The following FZD3 variants were observed in gnomAD, a reference collection of about 807,000 sequenced individuals.
The protein encoded by FZD3 is frizzled class receptor 3.
A neutral mutation model predicts 60.7 loss-of-function variants in FZD3; 30 were observed. The observed-to-expected ratio is 0.49, with a 90% CI of 0.37 to 0.67. FZD3 has a LOEUF of 0.67. FZD3 is among the 30% of genes least tolerant of loss of function. The pLI is 0.00. For synonymous variants in FZD3, 246 were observed against 275.2 expected, an observed-to-expected ratio of 0.89 and a Z score of 1.05; for missense variants, 605 against 838.7, an observed-to-expected ratio of 0.72 and a Z score of 3.44.
chr8:28,548,339 T>C (rs1354840243), intron 5 of FZD3, among the ~76,000 whole-genome samples: 1 of 151,832 alleles, frequency 6.6e-6, no homozygotes, highest in Non-Finnish European at 1.5e-5. Context: ...TGAGATGAGG[T>C]CTTGCTGTGT....
chr8:28,527,951 A>G lies in FZD3; in HGVS notation c.1191A>G (p.Leu397=), dbSNP rs769156364. 3.1e-6 allele frequency: 5 copies of G among 1,613,842 alleles called. No individual in the cohort carries two copies. Among genetic ancestry groups the G allele is most frequent in the Non-Finnish European group, 4.2e-6 (5 of 1,179,860 alleles). The change falls in exon 5 of 8, where the codon CTA becomes CTG. Residue 397 remains leucine (L), a synonymous_variant. Transcript: ENST00000240093. The surrounding 1 kb of genome is among the most constrained non-coding windows in gnomAD (Gnocchi z 5.0). The part of the protein sequence containing the change: ...VSLLLAGIIS[L]NRVRIEIPLE... ...TCCTCTTAGCTGGCATTATATCCCT[A>G]AACAGAGTTCGAATTGAGATTCCAT...
At chr8:28,501,155 C>T (rs942113063) in intron 2 of FZD3, among the ~76,000 whole-genome samples, 5 of 152,166 alleles carry the variant, frequency 3.3e-5, no homozygotes, top group African/African-American at 1.2e-4. Context: ...TGATGTAGAA[C>T]ATGAGGCGCT....
intron 6 of FZD3, among the ~76,000 whole-genome samples, chr8:28,552,248 T>G (rs1191632743): frequency 6.6e-6 from 1 of 152,164 alleles, no homozygotes; most frequent in Non-Finnish European, 1.5e-5. Flanking sequence ...GTACCAAAAG[T>G]GATATAAAGA....
chr8:28,550,481 C>CTTTTTTT (rs386412443), intron 5 of FZD3, among the ~76,000 whole-genome samples: 379 of 34,330 alleles, frequency 0.011, no homozygotes, highest in Middle Eastern at 0.091. Context: ...CTTCTTTTAT[C>CTTTTTTT]TTTTTTTTTT....
At chr8:28,533,871 A>T (rs180862552) in intron 5 of FZD3, among the ~76,000 whole-genome samples, 1 of 152,226 alleles carries the variant, frequency 6.6e-6, no homozygotes, top group East Asian at 1.9e-4. Flanking sequence ...TCTATATGTG[A>T]GTCCCATGAA....
At chr8:28,561,467 T>TAAAA (rs1805611337) in intron 7 of FZD3, among the ~76,000 whole-genome samples, 1 of 152,182 alleles carries the variant, frequency 6.6e-6, no homozygotes, top group African/African-American at 2.4e-5. Context: ...AATCTATCTT[T>TAAAA]AAATTTTATA....
At position 28,501,839 on chromosome 8, in the gene FZD3, GTTGATGA is replaced by G. The variant is rs749612289; in HGVS notation, c.-344-830_-344-824del. Among the ~76,000 whole-genome samples, 5 of 152,188 alleles carry G rather than the reference GTTGATGA, an allele frequency of 3.3e-5. No individual in the cohort carries two copies. In the East Asian group the frequency reaches 9.6e-4, roughly 29 times the overall value. ...GCATGGCTGTGTGTAATGACCGTTC[GTTGATGA>G]AATATTTCTTAGTGCTACATCTGTG... On this transcript the variant is annotated intron_variant, in intron 2 of 7. Transcript: ENST00000240093.
intron 3 of FZD3, among the ~76,000 whole-genome samples, chr8:28,504,322 G>T (rs746937480): frequency 6.6e-6 from 1 of 152,162 alleles, no homozygotes; most frequent in South Asian, 2.1e-4. Context: ...AATTGGTATA[G>T]GCTATCAGAT....
At chr8:28,498,894 T>C (rs1170764132) in intron 1 of FZD3, among the ~76,000 whole-genome samples, 2 of 152,254 alleles carry the variant, frequency 1.3e-5, no homozygotes, top group African/African-American at 2.4e-5. Context: ...TTTTAAATTG[T>C]GCATACCATT....
At chr8:28,539,516 G>A (rs1805106505) in intron 5 of FZD3, among the ~76,000 whole-genome samples, 1 of 152,152 alleles carries the variant, frequency 6.6e-6, no homozygotes, top group South Asian at 2.1e-4. Context: ...AACAGTAAAG[G>A]TTGCTAAGCA....
intron 5 of FZD3, among the ~76,000 whole-genome samples, chr8:28,547,031 A>G (rs1003673953): frequency 1.3e-5 from 2 of 152,224 alleles, no homozygotes; most frequent in South Asian, 4.1e-4. Context: ...TATATGGGAA[A>G]AGTCTCCCTT....
At position 28,574,124 on chromosome 8, in the gene FZD3, A is replaced by G. The variant is rs1164452268; in HGVS notation, c.*11113A>G. The G allele has an allele frequency of 6.6e-6, 1 of 152,144 alleles. No homozygotes were observed. Among genetic ancestry groups the G allele is most frequent in the Admixed American group, 6.6e-5 (1 of 15,260 alleles). The allele number at this position is 152,144 out of a possible 1,614,324, so 9.4% of individuals were successfully genotyped here. On this transcript the variant is annotated 3_prime_UTR_variant, in exon 8 of 8. Coordinates refer to ENST00000240093, the MANE Select transcript of FZD3 (RefSeq NM_017412.4). The stretch of plus-strand genomic sequence containing the variant: ...CTGCTCTTGTAGATTTATTTTGTTT[A>G]CAGTAGACTGATGTCAGTTTTTGTA...
intron 3 of FZD3, among the ~76,000 whole-genome samples, chr8:28,518,920 C>T (rs1478585753): frequency 6.6e-6 from 1 of 152,150 alleles, no homozygotes; most frequent in Non-Finnish European, 1.5e-5. Flanking sequence ...AGCAGTTCTC[C>T]AGTGGTTTTA....
At chr8:28,519,450 A>G (rs60404735) in intron 3 of FZD3, among the ~76,000 whole-genome samples, 3,253 of 152,182 alleles carry the variant, frequency 0.021, 104 homozygotes, top group African/African-American at 0.074. Context: ...AAAATTTGAA[A>G]AAGGCATGGT....
At chr8:28,516,962 AT>A (rs1804445623) in intron 3 of FZD3, among the ~76,000 whole-genome samples, 1 of 152,166 alleles carries the variant, frequency 6.6e-6, no homozygotes, top group Admixed American at 6.5e-5. Flanking sequence ...CCACTTTACT[AT>A]AATGCATGTT....
chr8:28,514,785 C>A (rs1369483266), intron 3 of FZD3, among the ~76,000 whole-genome samples: 2 of 152,188 alleles, frequency 1.3e-5, no homozygotes, highest in East Asian at 3.8e-4. Context: ...CAGGGTTCCT[C>A]CTTATGCCCA....
At chr8:28,525,759 G>T (rs1002444295) in intron 4 of FZD3, among the ~76,000 whole-genome samples, 1 of 152,190 alleles carries the variant, frequency 6.6e-6, no homozygotes, top group Admixed American at 6.5e-5. Context: ...CTTGGCTGCT[G>T]TGTGGAAATG....
intron 3 of FZD3, among the ~76,000 whole-genome samples, chr8:28,518,981 A>G (rs1272530757): frequency 1.3e-5 from 2 of 152,220 alleles, no homozygotes; most frequent in African/African-American, 2.4e-5. Context: ...TGATGGAAAC[A>G]TTGGTCTAAT....
intron 3 of FZD3, among the ~76,000 whole-genome samples, chr8:28,505,517 A>C (rs956737553): frequency 2.6e-5 from 4 of 151,838 alleles, no homozygotes; most frequent in African/African-American, 9.7e-5. Flanking sequence ...CCCCTGGCTA[A>C]TTTTTTTGTA....
Sources: allele counts gnomAD v4.1 joint callset (sites outside exome capture counted in the v4.1 genomes callset), GRCh38; gene constraint gnomAD v4.1.1; non-coding constraint Gnocchi (gnomAD v3.1); transcripts MANE v1.5; gene names NCBI Gene and HGNC (gene_info 2026-07-23, HGNC 2026-07-21).